Variants in OCM observed in about 807,000 individuals in gnomAD.
OCM encodes oncomodulin-1.
A neutral mutation model predicts 14.1 loss-of-function variants in OCM; 18 were observed. The observed-to-expected ratio is 1.28, with a 90% CI of 0.88 to 1.89. The LOEUF is 1.89. OCM is among the 40% of genes most tolerant of loss of function. The pLI is 0.00. For missense variants in OCM, 140 were observed against 137.6 expected (o/e 1.02, Z -0.09); for synonymous variants, 48 against 51.0 (o/e 0.94, Z 0.25).
At chr7:5,874,560 A>C in the OCM span, among the ~76,000 whole-genome samples, 1 of 151,924 alleles carries the variant, frequency 6.6e-6, no homozygotes, top group Non-Finnish European at 1.5e-5. Context: ...GCTGGAGTGC[A>C]GTGGTGTGAT....
At chr7:5,866,047 G>A in the OCM span, among the ~76,000 whole-genome samples, 2 of 151,866 alleles carry the variant, frequency 1.3e-5, no homozygotes, top group African/African-American at 4.8e-5. Flanking sequence ...TCTGCTGGGT[G>A]CACTGGCTCG....
At chr7:5,868,850 G>A in the OCM span, among the ~76,000 whole-genome samples, 1 of 152,014 alleles carries the variant, frequency 6.6e-6, no homozygotes, top group Non-Finnish European at 1.5e-5. Flanking sequence ...ATCACCTGAG[G>A]TCAGGAGTTC....
At chr7:5,878,295 T>C (rs940440309), upstream of OCM, among the ~76,000 whole-genome samples, 4 of 151,184 alleles carry the variant, frequency 2.6e-5, no homozygotes, top group African/African-American at 9.7e-5. Context: ...GAAAGTACAA[T>C]GATGCTTACC....
At chr7:5,863,531 ATTT>A in the OCM span, among the ~76,000 whole-genome samples, 1 of 133,482 alleles carries the variant, frequency 7.5e-6, no homozygotes, top group African/African-American at 2.8e-5. Flanking sequence ...TGGATGGTTC[ATTT>A]TTTTTTTTTT....
chr7:5,872,095 G>C, the OCM span: 1 of 152,310 alleles, frequency 6.6e-6, no homozygotes, highest in African/African-American at 2.4e-5. Flanking sequence ...AGATTACGGC[G>C]CCAGCGGTAA....
At chr7:5,877,251 T>G (rs1316183949), upstream of OCM, among the ~76,000 whole-genome samples, 1 of 150,314 alleles carries the variant, frequency 6.7e-6, no homozygotes, top group African/African-American at 2.5e-5. Flanking sequence ...ATCACTTGAG[T>G]CCAGGAGTTT....
chr7:5,864,235 G>GC, the OCM span, among the ~76,000 whole-genome samples: 1 of 151,248 alleles, frequency 6.6e-6, no homozygotes, highest in African/African-American at 2.4e-5. Flanking sequence ...GCTCCTGGTT[G>GC]GGGGGGATGC....
At chr7:5,860,756 G>A in the OCM span, among the ~76,000 whole-genome samples, 54 of 138,172 alleles carry the variant, frequency 3.9e-4, 5 homozygotes, top group Non-Finnish European at 6.2e-5. Flanking sequence ...ACATATATAC[G>A]TATATATATA....
At chr7:5,872,474 A>G in the OCM span, among the ~76,000 whole-genome samples, 1 of 152,094 alleles carries the variant, frequency 6.6e-6, no homozygotes, top group Non-Finnish European at 1.5e-5. Flanking sequence ...CATTCTTGTA[A>G]CTCTGGATCC....
the OCM span, among the ~76,000 whole-genome samples, chr7:5,868,220 C>G: frequency 6.6e-6 from 1 of 152,114 alleles, no homozygotes; most frequent in East Asian, 1.9e-4. Context: ...GATCACAGCT[C>G]ACTACAACCT....
At chr7:5,860,446 C>T in the OCM span, among the ~76,000 whole-genome samples, 4 of 116,366 alleles carry the variant, frequency 3.4e-5, no homozygotes, top group Admixed American at 9.3e-5. Flanking sequence ...TGTATATATA[C>T]GTGTATGTAT....
At chr7:5,864,995 G>A in the OCM span, among the ~76,000 whole-genome samples, 4 of 151,994 alleles carry the variant, frequency 2.6e-5, no homozygotes, top group Non-Finnish European at 5.9e-5. Context: ...ATTTTGACTG[G>A]CATGAGACAT....
chr7:5,869,997 C>A, the OCM span, among the ~76,000 whole-genome samples: 1 of 152,190 alleles, frequency 6.6e-6, no homozygotes, highest in Non-Finnish European at 1.5e-5. Flanking sequence ...CAAGAGTATT[C>A]TCATAGCAAC....
chr7:5,874,090 G>C, the OCM span, among the ~76,000 whole-genome samples: 9 of 151,202 alleles, frequency 6.0e-5, no homozygotes, highest in Non-Finnish European at 1.2e-4. Context: ...CAGTCATGGT[G>C]GTGGGCACCT....
the OCM span, among the ~76,000 whole-genome samples, chr7:5,870,121 T>C: frequency 6.8e-6 from 1 of 146,792 alleles, no homozygotes; most frequent in African/African-American, 2.5e-5. Flanking sequence ...TTTATTATTT[T>C]ATAATAAATA....
intron 1 of OCM, 84 bp from the exon 2 acceptor site, chr7:5,882,409 T>A: frequency 6.7e-7 from 1 of 1,495,850 alleles, no homozygotes; most frequent in Non-Finnish European, 9.2e-7. Context: ...GAAGTGTTTT[T>A]AATTATCTGT....
chr7:5,861,167 A>G, the OCM span, among the ~76,000 whole-genome samples: 3 of 152,106 alleles, frequency 2.0e-5, no homozygotes, highest in Non-Finnish European at 4.4e-5. Context: ...CACGCCTGTA[A>G]TCCCAGCACT....
chr7:5,860,724 G>GTA, the OCM span, among the ~76,000 whole-genome samples: 1 of 89,328 alleles, frequency 1.1e-5, no homozygotes, highest in Non-Finnish European at 2.1e-5. Flanking sequence ...ATATATACGT[G>GTA]TATATATTCA....
At chr7:5,879,192 C>T (rs965282471), upstream of OCM, among the ~76,000 whole-genome samples, 3 of 152,122 alleles carry the variant, frequency 2.0e-5, no homozygotes, top group African/African-American at 4.8e-5. Context: ...CAGAGCAAGA[C>T]CCTGTCACAA....
Sources: allele counts gnomAD v4.1 joint callset (sites outside exome capture counted in the v4.1 genomes callset), GRCh38; gene constraint gnomAD v4.1.1; transcripts MANE v1.5; gene names NCBI Gene and HGNC (gene_info 2026-07-23, HGNC 2026-07-21).